RNF182: variants seen among roughly 807,000 people sequenced by gnomAD.
The protein encoded by RNF182 is E3 ubiquitin-protein ligase RNF182.
RNF182 carries 15 observed loss-of-function variants against 14.4 expected under a neutral mutation model. That is an observed-to-expected ratio of 1.04 (90% confidence interval 0.70 to 1.60). The LOEUF (loss-of-function observed/expected upper bound fraction) is 1.60. RNF182 is among the 40% of genes most tolerant of loss of function. The probability of loss-of-function intolerance (pLI) is 0.00; values close to 1 mark genes in which losing one functional copy is unlikely to be tolerated. For synonymous variants in RNF182, 128 were observed against 122.9 expected, an observed-to-expected ratio of 1.04 and a Z score of -0.27; for missense variants, 268 against 294.8, an observed-to-expected ratio of 0.91 and a Z score of 0.67.
chr6:13,934,299 A>T (rs1759050059), intron 1 of RNF182, among the ~76,000 whole-genome samples: 1 of 152,074 alleles, frequency 6.6e-6, no homozygotes, highest in South Asian at 2.1e-4. Context: ...TGTTGTTATG[A>T]TGACTATACA....
chr6:13,977,578 T>C lies in RNF182; in HGVS notation c.459T>C (p.Tyr153=), dbSNP rs1760369070. The C allele has an allele frequency of 6.2e-7, 1 of 1,614,094 alleles. No homozygotes were observed. The highest frequency in any genetic ancestry group is 1.3e-5 in the African/African-American group (1 of 74,944). The change falls in exon 3 of 3, where the codon TAT becomes TAC. Residue 153 remains tyrosine, a synonymous_variant. Transcript: ENST00000488300. ...SLSSTPVVEF[Y]RPASFDSVTT... ...GCTCCACTCCTGTGGTAGAATTTTA[T>C]AGGCCTGCGAGTTTCGACTCTGTCA...
At chr6:13,953,887 C>T (rs572035236) in intron 1 of RNF182, among the ~76,000 whole-genome samples, 1 of 152,282 alleles carries the variant, frequency 6.6e-6, no homozygotes, top group Non-Finnish European at 1.5e-5. Flanking sequence ...CTGTACTAAA[C>T]ATTCAGTAGG....
rs184250731 is a variant in RNF182, at chr6:13,980,082, C to T, written c.*2219C>T. On this transcript the variant is annotated 3_prime_UTR_variant, in exon 3 of 3. Transcript: ENST00000488300. The stretch of plus-strand genomic sequence containing the variant: ...CACCTCTGTTAGCTTTAGATAACGG[C>T]AAACATGAACATTCAGAAACGTTGG... 1.3e-5 allele frequency: 2 copies of T among 154,168 alleles called. No homozygotes were observed. The highest frequency in any genetic ancestry group is 4.8e-5 in the African/African-American group (2 of 41,532). The allele number at this position is 154,168 out of a possible 1,614,324, so 9.6% of individuals were successfully genotyped here. A position where few individuals can be genotyped will look rare whatever the true frequency, so the allele number is the denominator to read the frequency against.
At chr6:13,973,506 A>T (rs984270519) in intron 1 of RNF182, among the ~76,000 whole-genome samples, 5 of 152,178 alleles carry the variant, frequency 3.3e-5, no homozygotes, top group African/African-American at 1.2e-4. Flanking sequence ...GGGCAGGGCC[A>T]GGTGGAGATA....
At position 13,980,051 on chromosome 6, in the gene RNF182, A is replaced by G. The variant is rs1233618916; in HGVS notation, c.*2188A>G. The G allele has an allele frequency of 1.3e-5, 2 of 157,892 alleles. No individual in the cohort carries two copies. The highest frequency in any genetic ancestry group is 3.8e-4 in the East Asian group (2 of 5,202). 9.8% of individuals were successfully genotyped at this position (157,892 alleles called of 1,614,324 possible). On this transcript the variant is annotated 3_prime_UTR_variant, in exon 3 of 3. Transcript: ENST00000488300. The stretch of plus-strand genomic sequence containing the variant: ...GACTTATGGTTAAAATTCAGTTATG[A>G]CTTTGCACCTCTGTTAGCTTTAGAT...
chr6:13,929,941 A>G (rs1325005948), intron 1 of RNF182, among the ~76,000 whole-genome samples: 4 of 152,234 alleles, frequency 2.6e-5, no homozygotes, highest in Non-Finnish European at 5.9e-5. Flanking sequence ...GACATGTACC[A>G]GTATTCTTTT....
intron 1 of RNF182, among the ~76,000 whole-genome samples, chr6:13,956,035 G>A (rs986477100): frequency 3.9e-5 from 6 of 152,158 alleles, no homozygotes; most frequent in African/African-American, 1.2e-4. Flanking sequence ...GAGTGAGAAC[G>A]TTCAGTACTT....
At chr6:13,948,854 C>CT (rs550672796) in intron 1 of RNF182, among the ~76,000 whole-genome samples, 75 of 151,492 alleles carry the variant, frequency 5.0e-4, no homozygotes, top group Non-Finnish European at 8.8e-4. Context: ...TCTCTCCTTT[C>CT]TTTTTTTTTC....
At chr6:13,931,990 T>A (rs1274254330) in intron 1 of RNF182, among the ~76,000 whole-genome samples, 1 of 152,178 alleles carries the variant, frequency 6.6e-6, no homozygotes, top group African/African-American at 2.4e-5. Context: ...AGGCACCATC[T>A]GTGAACCAAT....
At chr6:13,932,655 C>G (rs1759002394) in intron 1 of RNF182, among the ~76,000 whole-genome samples, 1 of 152,066 alleles carries the variant, frequency 6.6e-6, no homozygotes, top group Admixed American at 6.6e-5. Context: ...GTCAAATACT[C>G]CTAAACATTT....
intron 1 of RNF182, among the ~76,000 whole-genome samples, chr6:13,943,162 T>G (rs560803995): frequency 1.3e-5 from 2 of 152,330 alleles, no homozygotes; most frequent in South Asian, 2.1e-4. Flanking sequence ...GTACTGTTAA[T>G]GTATACTTTT....
chr6:13,977,528 CAG>C lies in RNF182; in HGVS notation c.418_419del (p.Ser140LeufsTer14), dbSNP rs1194805008. ...CCTGGTCATAACCATCATGGAGGTG[CAG>C]AGAGAGAGCTCCCCGTCCCTGAGCT... ...NCLVITIMEV[Q>X]RESSPSLSST... On this transcript the variant is annotated frameshift_variant, in exon 3 of 3. Coordinates refer to ENST00000488300, the MANE Select transcript of RNF182 (RefSeq NM_152737.4). LOFTEE classifies it high-confidence loss of function. 4 of 1,614,060 alleles carry C rather than the reference CAG, an allele frequency of 2.5e-6. No individual in the cohort carries two copies. The highest frequency in any genetic ancestry group is 3.4e-6 in the Non-Finnish European group (4 of 1,180,038).
intron 1 of RNF182, among the ~76,000 whole-genome samples, chr6:13,933,228 G>C (rs1759019832): frequency 6.6e-6 from 1 of 152,110 alleles, no homozygotes; most frequent in African/African-American, 2.4e-5. Flanking sequence ...TTTAAGTTAT[G>C]GGTTATATTA....
chr6:13,971,337 G>A (rs891411945), intron 1 of RNF182, among the ~76,000 whole-genome samples: 29 of 152,134 alleles, frequency 1.9e-4, no homozygotes, highest in African/African-American at 7.0e-4. Context: ...CACCACATAA[G>A]ATGTGCCTTT....
rs553632625 is a variant in RNF182, at chr6:13,974,879, A to T, written c.-212+515A>T. 2.0e-5 allele frequency among the ~76,000 whole-genome samples: 3 copies of T among 152,296 alleles called. No individual in the cohort carries two copies. The East Asian group carries it at 5.8e-4, about 29-fold the overall frequency. On this transcript the variant is annotated intron_variant, in intron 2 of 2. Coordinates refer to ENST00000488300, the MANE Select transcript of RNF182 (RefSeq NM_152737.4). ...TTTTCCACATGACTTCACATACCTC[A>T]GTCCTTTCTATGGCAATGGGGACAG...
intron 1 of RNF182, among the ~76,000 whole-genome samples, chr6:13,953,605 G>A (rs1448824531): frequency 1.3e-5 from 2 of 152,112 alleles, no homozygotes; most frequent in East Asian, 3.9e-4. Flanking sequence ...CGTAAGTCAG[G>A]GCCACTTAGA....
At chr6:13,925,216 GC>G (rs1470438523) in intron 1 of RNF182, 193 bp downstream of exon 1, 5 of 151,648 alleles carry the variant, frequency 3.3e-5, no homozygotes, top group African/African-American at 1.2e-4. Flanking sequence ...CACCACGGGG[GC>G]CGCCGTCCTG....
intron 1 of RNF182, among the ~76,000 whole-genome samples, chr6:13,972,819 A>G (rs1457265868): frequency 1.3e-5 from 2 of 152,088 alleles, no homozygotes; most frequent in Non-Finnish European, 2.9e-5. Context: ...CTCATGGAGA[A>G]CTTCTGCTAG....
At chr6:13,951,421 TATCTC>T in intron 1 of RNF182, among the ~76,000 whole-genome samples, 1 of 152,328 alleles carries the variant, frequency 6.6e-6, no homozygotes, top group East Asian at 1.9e-4. Flanking sequence ...ATGGGAGTCT[TATCTC>T]TCAGTTGGGG....
Sources: gnomAD v4.1 joint callset for allele counts (sites outside exome capture counted in the v4.1 genomes callset) on GRCh38, gnomAD v4.1.1 for gene constraint, MANE v1.5 for transcripts, NCBI Gene and HGNC (gene_info 2026-07-23, HGNC 2026-07-21) for gene names.